BMP6: variants seen among roughly 807,000 people sequenced by gnomAD.
BMP6 encodes the protein VG-1-R.
A neutral mutation model predicts 54.1 loss-of-function variants in BMP6; 17 were observed. The ratio of observed to expected loss-of-function variants is 0.31; its 90% CI spans 0.22 to 0.47. BMP6 has a LOEUF of 0.47. Among genes scored for constraint, BMP6 ranks in the 20% least tolerant of loss-of-function variants. The pLI is 1.00. For missense variants in BMP6, 720 were observed against 690.4 expected, an observed-to-expected ratio of 1.04 and a Z score of -0.48; for synonymous variants, 328 against 291.2, an observed-to-expected ratio of 1.13 and a Z score of -1.28.
At chr6:7,807,574 C>T (rs1464697555) in intron 1 of BMP6, among the ~76,000 whole-genome samples, 3 of 152,148 alleles carry the variant, frequency 2.0e-5, no homozygotes, top group Admixed American at 6.5e-5. Context: ...CCCACGCGCC[C>T]GGCCGGGACC....
chr6:7,851,803 T>C (rs972989488), intron 2 of BMP6, among the ~76,000 whole-genome samples: 5 of 152,102 alleles, frequency 3.3e-5, no homozygotes, highest in African/African-American at 1.2e-4. Flanking sequence ...TATCAAATGT[T>C]TTTTTTTAAT....
chr6:7,865,028 T>C (rs570812700), intron 4 of BMP6, among the ~76,000 whole-genome samples: 2 of 152,314 alleles, frequency 1.3e-5, no homozygotes, highest in South Asian at 4.1e-4. Flanking sequence ...TCTTGAAATG[T>C]TGATTGCTTT....
At chr6:7,738,082 CT>C (rs1391690727) in intron 1 of BMP6, among the ~76,000 whole-genome samples, 1 of 152,006 alleles carries the variant, frequency 6.6e-6, no homozygotes, top group Non-Finnish European at 1.5e-5. Context: ...CAAAAAGTTA[CT>C]ACTTTTCCAA....
intron 1 of BMP6, among the ~76,000 whole-genome samples, chr6:7,839,341 T>C (rs1346088690): frequency 6.6e-6 from 1 of 152,202 alleles, no homozygotes; most frequent in African/African-American, 2.4e-5. Flanking sequence ...TTTAACAGTT[T>C]TTAAGTGTAC....
intron 1 of BMP6, among the ~76,000 whole-genome samples, chr6:7,790,130 C>T (rs1016045553): frequency 1.3e-5 from 2 of 152,110 alleles, no homozygotes; most frequent in African/African-American, 4.8e-5. Context: ...GCAATACATG[C>T]CCCCTGCTCC....
At chr6:7,845,405 C>G in intron 2 of BMP6, 73 bp downstream of exon 2, 1 of 1,420,474 alleles carries the variant, frequency 7.0e-7, no homozygotes, top group Non-Finnish European at 9.6e-7. Context: ...ACAATAACCC[C>G]AGCTATGTCT....
chr6:7,854,255 G>A (rs1157440959), intron 2 of BMP6, among the ~76,000 whole-genome samples: 1 of 152,162 alleles, frequency 6.6e-6, no homozygotes, highest in Admixed American at 6.5e-5. Context: ...GTCCAGCTTT[G>A]TGGGAGGCAG....
intron 1 of BMP6, among the ~76,000 whole-genome samples, chr6:7,814,449 T>C (rs1474418380): frequency 6.6e-6 from 1 of 152,240 alleles, no homozygotes; most frequent in Non-Finnish European, 1.5e-5. Context: ...ATTTCTGTCT[T>C]CCTGTTGTTT....
chr6:7,819,589 G>A (rs1452055919), intron 1 of BMP6, among the ~76,000 whole-genome samples: 1 of 152,188 alleles, frequency 6.6e-6, no homozygotes, highest in East Asian at 1.9e-4. Context: ...GCCTCACTGG[G>A]AAGGTCCTGG....
chr6:7,803,518 G>C (rs1397795374), intron 1 of BMP6, among the ~76,000 whole-genome samples: 4 of 151,990 alleles, frequency 2.6e-5, no homozygotes, highest in Non-Finnish European at 5.9e-5. Flanking sequence ...CTAACCTAAT[G>C]GCAACCTCTA....
At chr6:7,791,218 G>A (rs1395141931) in intron 1 of BMP6, among the ~76,000 whole-genome samples, 1 of 152,136 alleles carries the variant, frequency 6.6e-6, no homozygotes, top group Non-Finnish European at 1.5e-5. Flanking sequence ...CATCATCCCA[G>A]AGCAAATCAC....
intron 1 of BMP6, among the ~76,000 whole-genome samples, chr6:7,796,549 C>T (rs1001060261): frequency 3.9e-5 from 6 of 152,124 alleles, no homozygotes; most frequent in Non-Finnish European, 8.8e-5. Flanking sequence ...ACTAATTTTT[C>T]CTAAGTTCTT....
chr6:7,766,992 G>GTT (rs10557470), intron 1 of BMP6, among the ~76,000 whole-genome samples: 14 of 140,566 alleles, frequency 1.0e-4, no homozygotes, highest in African/African-American at 3.6e-4. Flanking sequence ...TAGTTTGTTT[G>GTT]TTTTTTTTTT....
chr6:7,820,159 T>C (rs1758584892), intron 1 of BMP6, among the ~76,000 whole-genome samples: 1 of 152,248 alleles, frequency 6.6e-6, no homozygotes, highest in South Asian at 2.1e-4. Context: ...GTTTCAGCCT[T>C]TTAAAAAGTA....
In BMP6 at chr6:7,734,376, C is replaced by A. The variant is rs548109070; in HGVS notation, c.664+6757C>A. Among the ~76,000 whole-genome samples the A allele has an allele frequency of 5.3e-5, 8 of 152,266 alleles. No individual in the cohort carries two copies. The South Asian group carries it at 1.0e-3, about 20-fold the overall frequency. On this transcript the variant is annotated intron_variant, in intron 1 of 6. Coordinates refer to ENST00000283147, the MANE Select transcript of BMP6 (RefSeq NM_001718.6). ...CACCATTTTCTCTTTACTGCTGTTA[C>A]CTCTTAAGATTGAGGGACAATCCAT...
intron 1 of BMP6, among the ~76,000 whole-genome samples, chr6:7,834,930 T>G (rs1758849729): frequency 6.6e-6 from 1 of 152,180 alleles, no homozygotes; most frequent in African/African-American, 2.4e-5. Flanking sequence ...AGTGACTGGC[T>G]GAGAATTTTC....
At chr6:7,816,102 G>A (rs1242229835) in intron 1 of BMP6, among the ~76,000 whole-genome samples, 1 of 152,204 alleles carries the variant, frequency 6.6e-6, no homozygotes, top group Admixed American at 6.5e-5. Flanking sequence ...AGGAAGTCCG[G>A]TCTCCTAGGT....
intron 1 of BMP6, 94 bp from the exon 2 acceptor site, chr6:7,845,046 C>T: frequency 8.8e-7 from 1 of 1,135,448 alleles, no homozygotes; most frequent in South Asian, 1.5e-5. Flanking sequence ...ATTGGTAATC[C>T]ACCTATGAAG....
intron 1 of BMP6, among the ~76,000 whole-genome samples, chr6:7,818,647 C>A (rs542523311): frequency 1.3e-5 from 2 of 152,332 alleles, no homozygotes; most frequent in East Asian, 3.9e-4. Flanking sequence ...CCATCACAAA[C>A]AAAGCCAGCA....
Sources: allele counts gnomAD v4.1 joint callset (sites outside exome capture counted in the v4.1 genomes callset), GRCh38; gene constraint gnomAD v4.1.1; transcripts MANE v1.5; gene names NCBI Gene and HGNC (gene_info 2026-07-23, HGNC 2026-07-21).